ADAM7: variants seen among roughly 807,000 people sequenced by gnomAD.
ADAM7 encodes the protein ADAM metallopeptidase domain 7.
A neutral mutation model predicts 102.9 loss-of-function variants in ADAM7; 97 were observed. That is an observed-to-expected ratio of 0.94 (90% CI 0.80 to 1.12). The LOEUF is 1.12. Among genes scored for constraint, ADAM7 ranks in the 50% most tolerant of loss-of-function variants. The pLI, the probability that ADAM7 is intolerant of heterozygous loss-of-function variation, is 0.00. For missense variants in ADAM7, 991 were observed against 908.7 expected, an observed-to-expected ratio of 1.09 and a Z score of -1.16; for synonymous variants, 334 against 304.4, an observed-to-expected ratio of 1.10 and a Z score of -1.01.
At position 24,441,220 on chromosome 8, in the gene ADAM7, G is replaced by A. The variant is rs868602213; in HGVS notation, c.52+60G>A. On this transcript the variant is annotated intron_variant, in intron 1 of 21. Transcript: ENST00000175238. Reference sequence around the variant, plus strand: ...TATGCTGTGAGGTTGTGTCTCTTTAGTCACAAACTTTAAACTGTAAGTGAT... The same window carrying A: ...TATGCTGTGAGGTTGTGTCTCTTTAATCACAAACTTTAAACTGTAAGTGAT... The A allele has an allele frequency of 3.3e-6, 5 of 1,503,000 alleles. No individual in the cohort carries two copies. The South Asian group carries it at 5.7e-5, about 17-fold the overall frequency. The allele number at this position is 1,503,000 out of a possible 1,614,324, so 93.1% of individuals were successfully genotyped here.
At chr8:24,486,294 A>G (rs927378597) in intron 10 of ADAM7, among the ~76,000 whole-genome samples, 5 of 152,234 alleles carry the variant, frequency 3.3e-5, no homozygotes, top group African/African-American at 1.2e-4. Flanking sequence ...ATAGAAATTA[A>G]AGCATATAAT....
At chr8:24,503,554 C>T (rs913692871) in intron 20 of ADAM7, among the ~76,000 whole-genome samples, 2 of 152,100 alleles carry the variant, frequency 1.3e-5, no homozygotes, top group African/African-American at 2.4e-5. Context: ...GTAAATCATT[C>T]TACTATAAAG....
intron 11 of ADAM7, among the ~76,000 whole-genome samples, chr8:24,487,968 T>C (rs921295280): frequency 6.6e-6 from 1 of 152,174 alleles, no homozygotes; most frequent in Non-Finnish European, 1.5e-5. Context: ...TATAATGTCT[T>C]CCTTCACATC....
chr8:24,508,389 A>C (rs1407385217), intron 21 of ADAM7, among the ~76,000 whole-genome samples, 157 bp from the exon 22 acceptor site: 4 of 152,250 alleles, frequency 2.6e-5, no homozygotes, highest in African/African-American at 9.6e-5. Context: ...CTGCTTAATT[A>C]GCAATGGCTA....
intron 7 of ADAM7, among the ~76,000 whole-genome samples, chr8:24,476,205 G>T (rs1053577382): frequency 6.6e-6 from 1 of 152,104 alleles, no homozygotes; most frequent in Non-Finnish European, 1.5e-5. Flanking sequence ...AGAAAGAAAA[G>T]CTTGAAGTAA....
rs192071521 is a variant in ADAM7 at position 24,499,209 on chromosome 8, A to T, written c.1843-27A>T. 2.5e-5 allele frequency: 38 copies of T among 1,523,414 alleles called. No individual in the cohort carries two copies. In the Admixed American group the frequency reaches 7.6e-4, roughly 31 times the overall value. 94.4% of individuals were successfully genotyped at this position (1,523,414 alleles called of 1,614,324 possible). A position where few individuals can be genotyped will look rare whatever the true frequency, so the allele number is the denominator to read the frequency against. On this transcript the variant is annotated intron_variant, in intron 16 of 21. Transcript: ENST00000175238. ...TTCACATCAATTGTAAGTCATTTTA[A>T]TTCATGCTTGGTTACTTCATTTCTA...
rs117829245 is a variant in ADAM7 at position 24,468,419 on chromosome 8, G to A, written c.580-348G>A. Among the ~76,000 whole-genome samples the A allele has an allele frequency of 8.0e-4, 121 of 151,944 alleles. 4 individuals carry two copies. In the East Asian group the frequency reaches 0.021, roughly 27 times the overall value. On this transcript the variant is annotated intron_variant, in intron 6 of 21. Coordinates refer to ENST00000175238, the MANE Select transcript of ADAM7 (RefSeq NM_003817.4). Reference sequence around the variant, plus strand: ...GCTAGGCTTAATACCTAGGTGATGGGGTTGATAGGTGCAGCAAACCACCGT... The same window carrying A: ...GCTAGGCTTAATACCTAGGTGATGGAGTTGATAGGTGCAGCAAACCACCGT...
Position 24,489,301 on chromosome 8 carries a change from G to A in ADAM7, c.1234G>A (p.Glu412Lys). 1.2e-6 allele frequency: 2 copies of A among 1,613,168 alleles called. No individual in the cohort carries two copies. Among genetic ancestry groups the A allele is most frequent in the South Asian group, 1.1e-5 (1 of 90,932 alleles). ...ATTTTGTGGAAACAAGAAGTTGGAT[G>A]AGGGTGAAGAGTGTGACTGTGGCCC... ...FQFCGNKKLD[E>K]GEECDCGPAQ... The change falls in exon 12 of 22, where the codon GAG (glutamate) becomes AAG (lysine). Residue 412 changes from glutamate to lysine, a missense_variant. Physicochemically the swap from Glu to Lys is moderately conservative, Grantham distance 56. Coordinates refer to ENST00000175238, the MANE Select transcript of ADAM7 (RefSeq NM_003817.4).
At chr8:24,486,731 T>C (rs1449256233) in intron 10 of ADAM7, among the ~76,000 whole-genome samples, 5 of 152,166 alleles carry the variant, frequency 3.3e-5, no homozygotes, top group African/African-American at 1.2e-4. Flanking sequence ...TTCAAACCTC[T>C]TTTATAAGGG....
Position 24,509,162 on chromosome 8 carries a change from C to G in ADAM7, c.*616C>G, listed in dbSNP as rs1436978623. 1.2e-5 allele frequency: 12 copies of G among 985,284 alleles called. No homozygotes were observed. The South Asian group carries it at 3.3e-4, about 27-fold the overall frequency. The allele number at this position is 985,284 out of a possible 1,614,324, so 61.0% of individuals were successfully genotyped here. A position where few individuals can be genotyped will look rare whatever the true frequency, so the allele number is the denominator to read the frequency against. The stretch of plus-strand genomic sequence containing the variant: ...AGAATGCTCCTGGCAATTCTAAATT[C>G]CTAGGTTTGCCTTTCTAGAATTCCT... On this transcript the variant is annotated 3_prime_UTR_variant, in exon 22 of 22. Coordinates refer to ENST00000175238, the MANE Select transcript of ADAM7 (RefSeq NM_003817.4).
intron 2 of ADAM7, among the ~76,000 whole-genome samples, chr8:24,444,211 T>C (rs1389543248): frequency 6.6e-6 from 1 of 150,382 alleles, no homozygotes; most frequent in Non-Finnish European, 1.5e-5. Context: ...ACATGAAGTG[T>C]AAATAAATAT....
chr8:24,480,698 T>C (rs537843579), intron 8 of ADAM7, among the ~76,000 whole-genome samples: 1 of 152,242 alleles, frequency 6.6e-6, no homozygotes, highest in South Asian at 2.1e-4. Flanking sequence ...CACGTTAAAA[T>C]AATTATTGCT....
intron 3 of ADAM7, among the ~76,000 whole-genome samples, chr8:24,463,556 C>A (rs959378801): frequency 2.0e-5 from 3 of 152,070 alleles, no homozygotes; most frequent in Admixed American, 6.5e-5. Flanking sequence ...ACATATTCAT[C>A]ACATTTATTA....
chr8:24,492,967 G>T, intron 15 of ADAM7, 76 bp from the exon 16 acceptor site: 1 of 1,394,652 alleles, frequency 7.2e-7, no homozygotes, highest in Non-Finnish European at 9.6e-7. Context: ...AAGAGTGACC[G>T]GGAGGCTCCA....
chr8:24,470,110 G>T (rs1204101394), intron 7 of ADAM7, among the ~76,000 whole-genome samples: 1 of 151,902 alleles, frequency 6.6e-6, no homozygotes, highest in Non-Finnish European at 1.5e-5. Context: ...CAAAGACAAA[G>T]AAAAAATCTT....
intron 20 of ADAM7, among the ~76,000 whole-genome samples, chr8:24,504,320 A>G (rs1787480130): frequency 1.3e-5 from 2 of 152,044 alleles, no homozygotes. Context: ...GTGAGCTATG[A>G]TCATGCCACT....
intron 3 of ADAM7, among the ~76,000 whole-genome samples, chr8:24,458,461 T>G (rs1819120611): frequency 6.6e-6 from 1 of 152,180 alleles, no homozygotes; most frequent in African/African-American, 2.4e-5. Flanking sequence ...TTTCTATGAT[T>G]TGTGTCTACA....
rs192363869 is a variant in ADAM7 at position 24,447,323 on chromosome 8, C to T, written c.233+61C>T. 5.2e-5 allele frequency: 49 copies of T among 935,590 alleles called. No homozygotes were observed. The Admixed American group carries it at 9.6e-4, about 18-fold the overall frequency. 58.0% of individuals were successfully genotyped at this position (935,590 alleles called of 1,614,324 possible). ...TTAGTAATTATGGTAAGCCAATTTTCGTAAAAACTGCCAGTGAAGAGGATT... is the reference window on the plus strand; with the variant it reads ...TTAGTAATTATGGTAAGCCAATTTTTGTAAAAACTGCCAGTGAAGAGGATT... On this transcript the variant is annotated intron_variant, in intron 3 of 21. Transcript: ENST00000175238.
intron 3 of ADAM7, among the ~76,000 whole-genome samples, chr8:24,460,610 TAA>T (rs1181175035): frequency 6.6e-6 from 1 of 152,082 alleles, no homozygotes; most frequent in Non-Finnish European, 1.5e-5. Flanking sequence ...AATTAATCAT[TAA>T]GTTATAGTTA....
Sources: allele counts gnomAD v4.1 joint callset (sites outside exome capture counted in the v4.1 genomes callset), GRCh38; gene constraint gnomAD v4.1.1; transcripts MANE v1.5; gene names NCBI Gene and HGNC (gene_info 2026-07-23, HGNC 2026-07-21).